RNF38: variants seen among roughly 807,000 people sequenced by gnomAD.
RNF38 encodes E3 ubiquitin-protein ligase RNF38.
RNF38 carries 15 observed loss-of-function variants against 67.2 expected under a neutral mutation model. That is an observed-to-expected ratio of 0.22 (90% CI 0.15 to 0.34). The LOEUF is 0.34. Among genes scored for constraint, RNF38 ranks in the 10% least tolerant of loss-of-function variants. The pLI is 1.00. For missense variants in RNF38, 524 were observed against 639.9 expected (o/e 0.82, Z 1.95); for synonymous variants, 220 against 218.8 (o/e 1.01, Z -0.05).
Position 36,376,133 on chromosome 9 carries a change from A to G in RNF38, c.163-6T>C. ...GGACTTGGACTATCTTCACTCTGCC[A>G]ATGCAACAAAATGGATCAACTGAGT... On this transcript the variant is annotated splice_region_variant and splice_polypyrimidine_tract_variant and intron_variant, in intron 2 of 11. Transcript: ENST00000259605. 1 of 1,546,372 alleles carries G rather than the reference A, an allele frequency of 6.5e-7. No individual in the cohort carries two copies. The highest frequency in any genetic ancestry group is 2.4e-5 in the East Asian group (1 of 41,826).
intron 1 of RNF38, 62 bp downstream of exon 1, chr9:36,400,035 T>A (rs183971994): frequency 1.4e-6 from 2 of 1,467,686 alleles, no homozygotes; most frequent in Non-Finnish European, 9.5e-7. Flanking sequence ...AGAATTAGCA[T>A]ACCCAACTTT....
chr9:36,432,544 G>A (rs906736495), intron 1 of RNF38, among the ~76,000 whole-genome samples: 2 of 152,012 alleles, frequency 1.3e-5, no homozygotes. Flanking sequence ...TAATCCCAGC[G>A]CTTTGGGAGG....
chr9:36,478,973 G>A (rs750550632), intron 1 of RNF38, among the ~76,000 whole-genome samples: 1 of 152,100 alleles, frequency 6.6e-6, no homozygotes, highest in Non-Finnish European at 1.5e-5. Context: ...GTACTTTTAA[G>A]TTACAATTTC....
chr9:36,383,194 T>C (rs1243372664), intron 2 of RNF38, among the ~76,000 whole-genome samples: 1 of 152,190 alleles, frequency 6.6e-6, no homozygotes, highest in Non-Finnish European at 1.5e-5. Flanking sequence ...GTCCAGATAA[T>C]ACGTAAAATG....
chr9:36,349,793 T>C (rs1300593233), intron 9 of RNF38, among the ~76,000 whole-genome samples: 1 of 152,190 alleles, frequency 6.6e-6, no homozygotes, highest in Non-Finnish European at 1.5e-5. Context: ...GAGTTAACTT[T>C]CACGTATGGT....
chr9:36,361,480 T>C (rs552055804), intron 4 of RNF38, among the ~76,000 whole-genome samples: 17 of 152,274 alleles, frequency 1.1e-4, no homozygotes, highest in African/African-American at 3.9e-4. Context: ...ATAGCCATTT[T>C]TTCCCCATAC....
At position 36,357,793 on chromosome 9, in the gene RNF38, G is replaced by A. The variant is rs1273236498; in HGVS notation, c.720C>T (p.Val240=). ...GACTTACTGGAGGAGGCACACTACAGACAGGGAGGTGCTGTCCACTGAAAA... is the reference window on the plus strand; with the variant it reads ...GACTTACTGGAGGAGGCACACTACAAACAGGGAGGTGCTGTCCACTGAAAA... ...SVVFSGQHLP[V]CSVPPPMLQA... Residue 240 remains valine, a synonymous_variant, in exon 5 of 12, where the codon GTC becomes GTT. Coordinates refer to ENST00000259605, the MANE Select transcript of RNF38 (RefSeq NM_022781.5). The A allele has an allele frequency of 6.2e-7, 1 of 1,613,642 alleles. No individual in the cohort carries two copies. The highest frequency in any genetic ancestry group is 1.1e-5 in the South Asian group (1 of 91,066).
intron 1 of RNF38, among the ~76,000 whole-genome samples, chr9:36,460,326 A>G (rs1839697746): frequency 1.3e-5 from 2 of 152,166 alleles, no homozygotes; most frequent in Non-Finnish European, 2.9e-5. Context: ...ACTTTACACA[A>G]CAAACAGGAA....
At chr9:36,351,652 A>T (rs1312157760) in intron 8 of RNF38, among the ~76,000 whole-genome samples, 2 of 152,194 alleles carry the variant, frequency 1.3e-5, no homozygotes, top group Non-Finnish European at 2.9e-5. Flanking sequence ...AGAGAGAGGA[A>T]GGAAGGAAGG....
intron 1 of RNF38, among the ~76,000 whole-genome samples, chr9:36,450,507 C>A (rs1380541895): frequency 6.6e-6 from 1 of 152,160 alleles, no homozygotes; most frequent in Admixed American, 6.5e-5. Flanking sequence ...TAAACTCATG[C>A]AAACTGCAAA....
At chr9:36,354,772 T>C (rs748194909) in intron 6 of RNF38, among the ~76,000 whole-genome samples, 4 of 152,242 alleles carry the variant, frequency 2.6e-5, no homozygotes, top group Non-Finnish European at 4.4e-5. Context: ...TGAATTCTCT[T>C]AGGCACATTT....
intron 4 of RNF38, among the ~76,000 whole-genome samples, chr9:36,362,271 T>G (rs1486897142): frequency 6.6e-6 from 1 of 151,406 alleles, no homozygotes; most frequent in Non-Finnish European, 1.5e-5. Context: ...GGCAGGAGAA[T>G]GGCTTGAATC....
At chr9:36,391,339 A>T (rs1837065468) in intron 1 of RNF38, among the ~76,000 whole-genome samples, 1 of 152,162 alleles carries the variant, frequency 6.6e-6, no homozygotes, top group Non-Finnish European at 1.5e-5. Flanking sequence ...TGACTTGATT[A>T]TGGGTTAATC....
intron 1 of RNF38, among the ~76,000 whole-genome samples, chr9:36,486,904 G>A (rs990861349): frequency 1.3e-5 from 2 of 152,098 alleles, no homozygotes; most frequent in African/African-American, 4.8e-5. Flanking sequence ...GGCTCCTGGG[G>A]GCCGGGGGAT....
chr9:36,483,717 G>C (rs1468585564), intron 1 of RNF38, among the ~76,000 whole-genome samples: 1 of 152,094 alleles, frequency 6.6e-6, no homozygotes, highest in African/African-American at 2.4e-5. Flanking sequence ...ATCTGCAGAG[G>C]GATGGATCAT....
intron 10 of RNF38, among the ~76,000 whole-genome samples, chr9:36,343,353 G>C: frequency 6.6e-6 from 1 of 152,048 alleles, no homozygotes; most frequent in East Asian, 1.9e-4. Flanking sequence ...AGACATTTTT[G>C]AAGATAATTT....
intron 2 of RNF38, among the ~76,000 whole-genome samples, chr9:36,389,357 A>AC: frequency 6.6e-6 from 1 of 152,088 alleles, no homozygotes; most frequent in East Asian, 1.9e-4. Context: ...AAAAAAAAAA[A>AC]AAACCCTTTT....
chr9:36,401,449 C>G (rs1436307836), upstream of RNF38, among the ~76,000 whole-genome samples: 1 of 152,214 alleles, frequency 6.6e-6, no homozygotes, highest in Non-Finnish European at 1.5e-5. Flanking sequence ...GTTCTTACAG[C>G]ATAAATGCAT....
At chr9:36,409,349 A>AAAAG (rs1564051503) in intron 2 of RNF38, among the ~76,000 whole-genome samples, 1 of 151,962 alleles carries the variant, frequency 6.6e-6, no homozygotes, top group African/African-American at 2.4e-5. Context: ...AAGAAAGAAA[A>AAAAG]AAAGAAAGAA....
Sources: gnomAD v4.1 joint callset for allele counts (sites outside exome capture counted in the v4.1 genomes callset) on GRCh38, gnomAD v4.1.1 for gene constraint, MANE v1.5 for transcripts, NCBI Gene and HGNC (gene_info 2026-07-23, HGNC 2026-07-21) for gene names.